Variants in UNC79 observed in about 807,000 individuals in gnomAD.
The protein encoded by UNC79 is protein unc-79 homolog.
Under a neutral mutation model 283.1 loss-of-function variants are expected in UNC79, and 37 were observed. That is an observed-to-expected ratio of 0.13 (90% confidence interval 0.10 to 0.17). The LOEUF (loss-of-function observed/expected upper bound fraction) is 0.17, where lower values mean the gene tolerates loss of function less well. UNC79 is among the 10% of genes least tolerant of loss of function. UNC79 has a pLI of 1.00. For missense variants in UNC79, 2,272 were observed against 3,211.1 expected (o/e 0.71, Z 7.07); for synonymous variants, 1,107 against 1,200.2 (o/e 0.92, Z 1.61).
At chr14:93,411,979 T>C (rs778219291) in intron 1 of UNC79, among the ~76,000 whole-genome samples, 14 of 152,224 alleles carry the variant, frequency 9.2e-5, no homozygotes, top group Non-Finnish European at 1.8e-4. Flanking sequence ...GAAGCAAAGA[T>C]ATGTTGCCTT....
At chr14:93,701,357 C>T (rs138431506) in intron 47 of UNC79, among the ~76,000 whole-genome samples, 35 of 152,278 alleles carry the variant, frequency 2.3e-4, no homozygotes, top group African/African-American at 7.9e-4. Context: ...AAAGTTTCAT[C>T]ACCAATTTTA....
intron 14 of UNC79, among the ~76,000 whole-genome samples, chr14:93,567,158 C>T (rs1384698668): frequency 6.6e-6 from 1 of 152,162 alleles, no homozygotes. Flanking sequence ...ACTGTTGGAA[C>T]CATGTTCACA....
chr14:93,541,448 G>A (rs1042970753), intron 13 of UNC79, among the ~76,000 whole-genome samples: 6 of 152,088 alleles, frequency 3.9e-5, no homozygotes, highest in African/African-American at 1.4e-4. Context: ...TTGCTCATTG[G>A]AGACATTAAT....
chr14:93,348,022 T>C (rs1419722898), intron 1 of UNC79: 1 of 1,594,096 alleles, frequency 6.3e-7, no homozygotes, highest in East Asian at 2.2e-5. Context: ...TCATCTTCTC[T>C]TCCAGGAAAT....
At chr14:93,497,917 C>A (rs531454192) in intron 7 of UNC79, among the ~76,000 whole-genome samples, 3 of 151,858 alleles carry the variant, frequency 2.0e-5, no homozygotes, top group Non-Finnish European at 4.4e-5. Flanking sequence ...ATCTGGGAGG[C>A]GTAAATTGCA....
At position 93,603,469 on chromosome 14, in the gene UNC79, A is replaced by C. The variant is rs367672906; in HGVS notation, c.3754+51A>C. On this transcript the variant is annotated intron_variant, in intron 26 of 48. Transcript: ENST00000555664. ...GTTAAATCTGTTTAATGTCTTTCTG[A>C]GGCTGACTTGTCTTGTTGAATGTTC... 5 of 1,580,206 alleles carry C rather than the reference A, an allele frequency of 3.2e-6. No individual in the cohort carries two copies. In the African/African-American group the frequency reaches 5.4e-5, roughly 17 times the overall value.
intron 7 of UNC79, among the ~76,000 whole-genome samples, chr14:93,498,122 A>G (rs1404836873): frequency 8.1e-6 from 1 of 123,960 alleles, no homozygotes; most frequent in African/African-American, 3.2e-5. Flanking sequence ...TGTAAAAATT[A>G]GCCAGTTTTG....
At chr14:93,431,510 T>G (rs2055878008) in intron 1 of UNC79, among the ~76,000 whole-genome samples, 1 of 151,248 alleles carries the variant, frequency 6.6e-6, no homozygotes, top group Non-Finnish European at 1.5e-5. Context: ...GGAGTTTGAG[T>G]CTGCAGTTTC....
chr14:93,371,203 C>T (rs2054437646), intron 1 of UNC79, among the ~76,000 whole-genome samples: 1 of 151,970 alleles, frequency 6.6e-6, no homozygotes, highest in African/African-American at 2.4e-5. Flanking sequence ...TCCTGGCTAA[C>T]ACGGTGAAAC....
At chr14:93,347,375 A>G (rs1198380771) in intron 1 of UNC79, 3 of 1,484,288 alleles carry the variant, frequency 2.0e-6, no homozygotes, top group Admixed American at 3.9e-5. Context: ...CCCCCGCGCC[A>G]GCGGCCCCTG....
chr14:93,465,574 G>A (rs953992104), intron 1 of UNC79, among the ~76,000 whole-genome samples: 4 of 152,166 alleles, frequency 2.6e-5, no homozygotes, highest in African/African-American at 7.2e-5. Context: ...AGGAGCTATT[G>A]CTGCATTTTA....
At chr14:93,623,422 C>T (rs1028593751) in intron 30 of UNC79, among the ~76,000 whole-genome samples, 15 of 152,160 alleles carry the variant, frequency 9.9e-5, no homozygotes, top group African/African-American at 3.6e-4. Flanking sequence ...GTTATCACAG[C>T]CCATGGGTTT....
intron 1 of UNC79, among the ~76,000 whole-genome samples, chr14:93,365,812 G>T (rs1457084489): frequency 1.3e-5 from 2 of 152,108 alleles, no homozygotes; most frequent in African/African-American, 4.8e-5. Context: ...TTCAGATAGA[G>T]AAAATGGAAG....
intron 10 of UNC79, among the ~76,000 whole-genome samples, chr14:93,530,498 G>T (rs1455907926): frequency 1.3e-5 from 2 of 152,212 alleles, no homozygotes; most frequent in Non-Finnish European, 2.9e-5. Context: ...TGTAGTCCCA[G>T]CTACTTGAGA....
In UNC79 at chr14:93,495,787, G is replaced by A. The variant is rs1041120459; in HGVS notation, c.713-624G>A. On this transcript the variant is annotated intron_variant, in intron 5 of 48. Transcript: ENST00000555664. ...ATATAGATTAGGGAAGGTATCAAAA[G>A]GCATCTAACTAGGTTGAAAGAATCT... Among the ~76,000 whole-genome samples, 52 of 152,236 alleles carry A rather than the reference G, an allele frequency of 3.4e-4. 1 individual carries two copies. The highest frequency in any genetic ancestry group is 2.9e-5 in the Non-Finnish European group (2 of 68,044).
intron 14 of UNC79, among the ~76,000 whole-genome samples, chr14:93,561,889 C>A (rs1250287549): frequency 6.6e-6 from 1 of 152,112 alleles, no homozygotes; most frequent in Non-Finnish European, 1.5e-5. Context: ...AGGAGTGTGA[C>A]TAGACAGAAG....
intron 10 of UNC79, among the ~76,000 whole-genome samples, chr14:93,530,541 G>T (rs1277680654): frequency 6.6e-6 from 1 of 152,180 alleles, no homozygotes; most frequent in Admixed American, 6.5e-5. Context: ...AAGCCCAGGA[G>T]GTTGAGGCTG....
intron 1 of UNC79, among the ~76,000 whole-genome samples, chr14:93,460,858 C>T (rs1307211154): frequency 6.6e-6 from 1 of 151,974 alleles, no homozygotes; most frequent in Non-Finnish European, 1.5e-5. Context: ...GACTCTGTCT[C>T]TACAAAAAAT....
chr14:93,572,174 G>A (rs766493009), intron 15 of UNC79, 90 bp downstream of exon 15: 281 of 1,346,028 alleles, frequency 2.1e-4, no homozygotes, highest in Middle Eastern at 5.3e-4. Flanking sequence ...CCTACTAAGC[G>A]TTTTATATAA....
Sources: gnomAD v4.1 joint callset for allele counts (sites outside exome capture counted in the v4.1 genomes callset) on GRCh38, gnomAD v4.1.1 for gene constraint, MANE v1.5 for transcripts, NCBI Gene and HGNC (gene_info 2026-07-23, HGNC 2026-07-21) for gene names.